Variants in NBEA observed in about 807,000 individuals in gnomAD.
NBEA encodes the protein lysosomal-trafficking regulator 2.
NBEA carries 44 observed loss-of-function variants against 343.4 expected under a neutral mutation model. That is an observed-to-expected ratio of 0.13 (90% CI 0.10 to 0.16). NBEA has a LOEUF of 0.16. Ranked by LOEUF, NBEA falls within the 10% of genes least tolerant of loss-of-function variation. NBEA has a pLI of 1.00. For synonymous variants in NBEA, 1,175 were observed against 1,238.7 expected (o/e 0.95, Z 1.08); for missense variants, 2,555 against 3,631.3 (o/e 0.70, Z 7.62).
intron 34 of NBEA, among the ~76,000 whole-genome samples, chr13:35,249,718 T>G (rs1230937766): frequency 6.6e-6 from 1 of 152,208 alleles, no homozygotes; most frequent in African/African-American, 2.4e-5. Context: ...AAATTCCAGT[T>G]CTGGGTTTAT....
chr13:35,474,755 C>A, intron 41 of NBEA: 1 of 290,602 alleles, frequency 3.4e-6, no homozygotes, highest in Non-Finnish European at 6.4e-6. Flanking sequence ...GTGTTCGTCT[C>A]GGTCTGGCGT....
At chr13:35,373,312 G>T (rs1291114957) in intron 38 of NBEA, among the ~76,000 whole-genome samples, 1 of 152,110 alleles carries the variant, frequency 6.6e-6, no homozygotes, top group Non-Finnish European at 1.5e-5. Context: ...GATGCCTCTA[G>T]TCAGCCATGT....
intron 1 of NBEA, among the ~76,000 whole-genome samples, chr13:35,031,755 G>A (rs185760445): frequency 2.3e-3 from 352 of 151,586 alleles, no homozygotes; most frequent in Non-Finnish European, 3.5e-3. Flanking sequence ...TATGTATTAA[G>A]CCCAGTACCC....
intron 34 of NBEA, chr13:35,251,337 C>T (rs752251925): frequency 3.6e-5 from 36 of 999,864 alleles, no homozygotes; most frequent in Non-Finnish European, 4.1e-5. Context: ...CTGCCAGCTT[C>T]CTCACATCCT....
intron 10 of NBEA, among the ~76,000 whole-genome samples, chr13:35,085,045 T>A (rs2064665313): frequency 6.6e-6 from 1 of 152,074 alleles, no homozygotes; most frequent in Admixed American, 6.6e-5. Context: ...AGAAGTTGAA[T>A]CTCTGAATAG....
chr13:35,098,433 T>A, intron 11 of NBEA, 28 bp downstream of exon 11: 4 of 1,483,548 alleles, frequency 2.7e-6, no homozygotes, highest in Non-Finnish European at 3.7e-6. Flanking sequence ...ATGGTTTTAT[T>A]GTGTAGCTTC....
Position 35,432,323 on chromosome 13 carries a change from G to A in NBEA, c.6234G>A (p.Arg2078=), listed in dbSNP as rs754858202. Residue 2078 remains arginine (R), a synonymous_variant, in exon 39 of 59, where the codon AGG becomes AGA. Transcript: ENST00000379939. The part of the protein sequence containing the change: ...LDYWEDDLRR[R]RRFVRNAFGS... ...ACTGGGAAGATGATCTTCGTCGAAG[G>A]AGACGATTTGTTCGCAATGCATTTG... The A allele has an allele frequency of 2.5e-6, 4 of 1,608,652 alleles. No individual in the cohort carries two copies. In the Admixed American group the frequency reaches 6.7e-5, roughly 27 times the overall value.
intron 10 of NBEA, among the ~76,000 whole-genome samples, chr13:35,094,978 A>G (rs2065259356): frequency 6.6e-6 from 1 of 151,892 alleles, no homozygotes; most frequent in Non-Finnish European, 1.5e-5. Context: ...TCTTCTTAAT[A>G]AAAAGGTGTT....
In NBEA at chr13:35,507,222, C is replaced by T. The variant is rs1163029595; in HGVS notation, c.6585+34686C>T. 2.0e-5 allele frequency among the ~76,000 whole-genome samples: 3 copies of T among 152,278 alleles called. No individual in the cohort carries two copies. In the East Asian group the frequency reaches 5.8e-4, roughly 29 times the overall value. On this transcript the variant is annotated intron_variant, in intron 41 of 58. Coordinates refer to ENST00000379939, the MANE Select transcript of NBEA (RefSeq NM_001385012.1). ...CCCTACTCCTGTTCTACCTCACTCG[C>T]TTCTCCTTTTCAGTCTTCTTTGCCA... is the stretch of plus-strand genomic sequence containing the variant.
intron 38 of NBEA, among the ~76,000 whole-genome samples, chr13:35,418,835 G>A (rs1411128549): frequency 6.6e-6 from 1 of 151,960 alleles, no homozygotes; most frequent in Non-Finnish European, 1.5e-5. Flanking sequence ...TTAGTTCGTT[G>A]AGGCTGCTAT....
intron 41 of NBEA, among the ~76,000 whole-genome samples, chr13:35,539,661 A>G (rs2153004180): frequency 1.2e-5 from 1 of 85,916 alleles, no homozygotes; most frequent in African/African-American, 2.6e-5. Context: ...TCACGCCTGT[A>G]ATACCAGCAC....
intron 55 of NBEA, among the ~76,000 whole-genome samples, chr13:35,661,116 G>A (rs2085071412): frequency 6.6e-6 from 1 of 152,136 alleles, no homozygotes; most frequent in East Asian, 1.9e-4. Flanking sequence ...ATGGGACTAA[G>A]GCTTCAAGAA....
chr13:35,534,200 C>A (rs1242645973), intron 41 of NBEA, among the ~76,000 whole-genome samples: 2 of 152,084 alleles, frequency 1.3e-5, no homozygotes, highest in Non-Finnish European at 2.9e-5. Flanking sequence ...TAGGAAATGG[C>A]AGAAAACTCC....
intron 36 of NBEA, among the ~76,000 whole-genome samples, chr13:35,318,697 T>A (rs984813739): frequency 6.6e-6 from 1 of 152,212 alleles, no homozygotes; most frequent in Admixed American, 6.5e-5. Context: ...TCTTTGTACC[T>A]CTGGTAGAAT....
intron 34 of NBEA, among the ~76,000 whole-genome samples, chr13:35,244,729 A>G (rs1463568032): frequency 6.6e-6 from 1 of 152,104 alleles, no homozygotes; most frequent in Non-Finnish European, 1.5e-5. Context: ...CATTTTCACA[A>G]TATTGATTCT....
intron 47 of NBEA, among the ~76,000 whole-genome samples, chr13:35,601,202 A>G (rs1566390039): frequency 6.6e-6 from 1 of 151,668 alleles, no homozygotes; most frequent in African/African-American, 2.4e-5. Context: ...AAAGAAACAC[A>G]CTTTGAAAAC....
chr13:35,400,495 G>A (rs1594488278), intron 38 of NBEA, among the ~76,000 whole-genome samples: 1 of 151,960 alleles, frequency 6.6e-6, no homozygotes. Context: ...TTTTCTCAGA[G>A]CAAGAAAAAT....
chr13:35,502,373 G>A (rs2076920601), intron 41 of NBEA, among the ~76,000 whole-genome samples: 1 of 152,096 alleles, frequency 6.6e-6, no homozygotes, highest in African/African-American at 2.4e-5. Flanking sequence ...AGGGCATCTG[G>A]AAGGAGATAT....
intron 33 of NBEA, among the ~76,000 whole-genome samples, chr13:35,212,000 TACACACACAC>T (rs3048222): frequency 6.7e-6 from 1 of 149,728 alleles, no homozygotes; most frequent in Non-Finnish European, 1.5e-5. Context: ...TGTATACGTG[TACACACACAC>T]ACACACACAC....
Sources: gnomAD v4.1 joint callset for allele counts (sites outside exome capture counted in the v4.1 genomes callset) on GRCh38, gnomAD v4.1.1 for gene constraint, MANE v1.5 for transcripts, NCBI Gene and HGNC (gene_info 2026-07-23, HGNC 2026-07-21) for gene names.